COL5A3: variants seen among roughly 807,000 people sequenced by gnomAD.
COL5A3 encodes collagen type V alpha 3 chain.
In COL5A3, 172 loss-of-function variants were observed where a neutral mutation model predicts 250.0. The ratio of observed to expected loss-of-function variants is 0.69; its 90% CI spans 0.61 to 0.78. The LOEUF (loss-of-function observed/expected upper bound fraction) is 0.78. Ranked by LOEUF, COL5A3 falls within the 30% of genes least tolerant of loss-of-function variation. The pLI is 0.00. For missense variants in COL5A3, 2,340 were observed against 2,334.4 expected (o/e 1.00, Z -0.05); for synonymous variants, 937 against 900.4 (o/e 1.04, Z -0.73).
chr19:9,976,508 T>A, intron 45 of COL5A3, 50 bp downstream of exon 45: 7 of 1,412,992 alleles, frequency 5.0e-6, no homozygotes, highest in South Asian at 1.3e-5. Context: ...GCTCCCACTA[T>A]CCCTCCCTTC....
At chr19:9,995,664 A>G (rs994836765) in intron 15 of COL5A3, 47 bp from the exon 16 acceptor site, 6 of 1,422,756 alleles carry the variant, frequency 4.2e-6, no homozygotes, top group Non-Finnish European at 5.8e-6. Context: ...AAGAAGAAAG[A>G]GGGACTTATT....
At chr19:9,995,510 G>A in intron 16 of COL5A3, 54 bp downstream of exon 16, 2 of 1,510,946 alleles carry the variant, frequency 1.3e-6, no homozygotes, top group Non-Finnish European at 1.8e-6. Flanking sequence ...CAAGGCTCAT[G>A]TTGGGTGTTG....
intron 7 of COL5A3, 38 bp downstream of exon 7, chr19:10,001,730 T>C (rs1249132277): frequency 6.2e-7 from 1 of 1,611,828 alleles, no homozygotes; most frequent in East Asian, 2.2e-5. Context: ...GCCACCCCCG[T>C]AACCCTTGGG....
In COL5A3 at chr19:9,967,508, GTC is replaced by G. The variant is rs2086770523; in HGVS notation, c.4405-110_4405-109del. 12 of 757,552 alleles carry G rather than the reference GTC, an allele frequency of 1.6e-5. 1 individual carries two copies. The highest frequency in any genetic ancestry group is 1.4e-4 in the South Asian group (7 of 51,802). The allele number at this position is 757,552 out of a possible 1,614,324, so 46.9% of individuals were successfully genotyped here. ...TCACACACACACTCACACACACACA[GTC>G]TCACACACTCACATACACACTCACT... On this transcript the variant is annotated intron_variant, in intron 61 of 66. Coordinates refer to ENST00000264828, the MANE Select transcript of COL5A3 (RefSeq NM_015719.4).
chr19:10,001,633 G>C lies in COL5A3; in HGVS notation c.1001C>G (p.Thr334Ser). 1 of 1,613,970 alleles carries C rather than the reference G, an allele frequency of 6.2e-7. No individual in the cohort carries two copies. Among genetic ancestry groups the C allele is most frequent in the African/African-American group, 1.3e-5 (1 of 74,970 alleles). The change falls in exon 8 of 67, where the codon ACC (threonine) becomes AGC (serine). Residue 334 changes from threonine (T) to serine (S), a missense_variant. Transcript: ENST00000264828. ...LDPDSGTELG[T>S]LETKAAREDE... ...CTCCCTGGCTGCCTTGGTCTCCAGG[G>C]TCCCCAGCTCGGTTCCACTGTCAGG... is the stretch of plus-strand genomic sequence containing the variant.
In COL5A3 at chr19:9,980,672, T is replaced by C. The variant is rs2086996371; in HGVS notation, c.2580A>G (p.Gly860=). ...PGPKGDVGQD[G]APGIPGEKGL... is the part of the protein sequence containing the mutation. ...CCTTTTCTCCAGGGATCCCAGGGGC[T>C]CCATCCTGGCCCACATCGCCCTAGG... Residue 860 remains glycine, a synonymous_variant, in exon 35 of 67, where the codon GGA becomes GGG. Coordinates refer to ENST00000264828, the MANE Select transcript of COL5A3 (RefSeq NM_015719.4). 1.2e-6 allele frequency: 2 copies of C among 1,613,346 alleles called. No individual in the cohort carries two copies. Among genetic ancestry groups the C allele is most frequent in the African/African-American group, 1.3e-5 (1 of 74,564 alleles).
intron 64 of COL5A3, 138 bp from the exon 65 acceptor site, chr19:9,963,025 C>T: frequency 1.5e-6 from 1 of 651,896 alleles, no homozygotes; most frequent in South Asian, 1.9e-5. Flanking sequence ...ACGAGCTCTG[C>T]CAGTGCACAA....
At chr19:9,980,914 G>A in intron 33 of COL5A3, 55 bp from the exon 34 acceptor site, 2 of 1,566,732 alleles carry the variant, frequency 1.3e-6, no homozygotes, top group Non-Finnish European at 1.7e-6. Flanking sequence ...GAGCCTGGGA[G>A]ATGAGACCAA....
chr19:9,960,435 C>T lies in COL5A3; in HGVS notation c.5214G>A (p.Leu1738=). Residue 1738 remains leucine (L), a synonymous_variant, in exon 67 of 67, where the codon CTG becomes CTA. Transcript: ENST00000264828. ...CTCAGCTGCTGAAGCAGACGGGGCC[C>T]AGTTCAAACCCAAACTTTTGGTTCG... The part of the protein sequence containing the change: ...GQTNQKFGFE[L]GPVCFSS 6.2e-7 allele frequency: 1 copy of T among 1,614,206 alleles called. No homozygotes were observed. The highest frequency in any genetic ancestry group is 8.5e-7 in the Non-Finnish European group (1 of 1,180,032).
chr19:9,970,212 T>TG (rs1311635844), intron 54 of COL5A3, among the ~76,000 whole-genome samples: 3 of 9,506 alleles, frequency 3.2e-4, no homozygotes, highest in Non-Finnish European at 1.8e-4. Flanking sequence ...GTGGGGGCTG[T>TG]GGGTGAGTGG....
At chr19:9,996,958 CAG>C (rs140384989) in intron 11 of COL5A3, 57 of 533,124 alleles carry the variant, frequency 1.1e-4, no homozygotes, top group African/African-American at 8.1e-4. Flanking sequence ...GAGACAGAAA[CAG>C]AGAGACAGAG....
chr19:9,966,550 G>A lies in COL5A3; in HGVS notation c.4655C>T (p.Pro1552Leu), dbSNP rs2086749513. 2 of 1,544,210 alleles carry A rather than the reference G, an allele frequency of 1.3e-6. No homozygotes were observed. The highest frequency in any genetic ancestry group is 1.2e-5 in the South Asian group (1 of 84,434). ...LVCHELHRNH[P>L]HLPDGEYWID... ...CCGGACCTCACCATCAGGCAGGTGC[G>A]GGTGGTTGCGGTGCAGCTCGTGGCA... Residue 1552 changes from proline (P) to leucine (L), a missense_variant, in exon 63 of 67, where the codon CCG (proline) becomes CTG (leucine). Coordinates refer to ENST00000264828, the MANE Select transcript of COL5A3 (RefSeq NM_015719.4).
chr19:9,984,598 A>G (rs2087068431), intron 31 of COL5A3, among the ~76,000 whole-genome samples: 1 of 152,178 alleles, frequency 6.6e-6, no homozygotes, highest in Non-Finnish European at 1.5e-5. Flanking sequence ...AATCACACCA[A>G]ATAAAAGGAT....
Position 10,005,646 on chromosome 19 carries a change from G to T in COL5A3, c.506C>A (p.Pro169His). The change falls in exon 4 of 67, where the codon CCC becomes CAC. Residue 169 changes from proline (P) to histidine (H), a missense_variant. Physicochemically the swap from Pro to His is moderately conservative, Grantham distance 77. This residue lies in a region of COL5A3 where 1,152 missense variants were observed against 1,146.3 expected (regional missense o/e 1.00). Transcript: ENST00000264828. ...VTLVADCEAQ[P>H]PVLGHGPRFI... ...GCGGGGGCCATGGCCCAAAACAGGGGGCTGAGCTTCACAGTCAGCTACCAG... is the reference window on the plus strand; with the variant it reads ...GCGGGGGCCATGGCCCAAAACAGGGTGCTGAGCTTCACAGTCAGCTACCAG... 6.2e-7 allele frequency: 1 copy of T among 1,614,078 alleles called. No individual in the cohort carries two copies. Among genetic ancestry groups the T allele is most frequent in the Admixed American group, 1.7e-5 (1 of 60,000 alleles).
intron 65 of COL5A3, among the ~76,000 whole-genome samples, chr19:9,962,593 C>T (rs139621235): frequency 1.7e-4 from 26 of 152,250 alleles, no homozygotes; most frequent in Non-Finnish European, 2.8e-4. Flanking sequence ...TCTAAATTTC[C>T]ACCATGCCCT....
intron 27 of COL5A3, among the ~76,000 whole-genome samples, chr19:9,988,162 A>G (rs965341061): frequency 2.6e-5 from 4 of 152,176 alleles, no homozygotes; most frequent in African/African-American, 9.7e-5. Context: ...TGAACCTGGG[A>G]GGCAGAGGTT....
At chr19:9,985,989 T>A (rs1327706638) in intron 30 of COL5A3, 94 bp from the exon 31 acceptor site, 1 of 1,105,640 alleles carries the variant, frequency 9.0e-7, no homozygotes, top group East Asian at 2.4e-5. Context: ...AATGGGCTAA[T>A]GGGATGGGAG....
intron 52 of COL5A3, 56 bp from the exon 53 acceptor site, chr19:9,971,084 G>A: frequency 6.8e-7 from 1 of 1,463,380 alleles, no homozygotes; most frequent in East Asian, 2.6e-5. Context: ...GAGAATTTGG[G>A]ATGGGGCTGG....
At chr19:10,004,989 A>G (rs962731489) in intron 4 of COL5A3, among the ~76,000 whole-genome samples, 1 of 139,800 alleles carries the variant, frequency 7.2e-6, no homozygotes, top group Non-Finnish European at 1.6e-5. Context: ...ACAGTCATGC[A>G]CTGCAACGGC....
Sources: gnomAD v4.1 joint callset for allele counts (sites outside exome capture counted in the v4.1 genomes callset) on GRCh38, gnomAD v4.1.1 for gene constraint, gnomAD v4.1.1 regional missense constraint, MANE v1.5 for transcripts, NCBI Gene and HGNC (gene_info 2026-07-23, HGNC 2026-07-21) for gene names.